The following TBC1D22A variants were observed in gnomAD, a reference collection of about 807,000 sequenced individuals.
The protein encoded by TBC1D22A is TBC1 domain family member 22A, also known as putative GTPase activator.
TBC1D22A carries 38 observed loss-of-function variants against 60.2 expected under a neutral mutation model. The observed-to-expected ratio is 0.63, with a 90% CI of 0.49 to 0.83. The LOEUF (loss-of-function observed/expected upper bound fraction) is 0.83, where lower values mean the gene tolerates loss of function less well. Among genes scored for constraint, TBC1D22A ranks in the 40% least tolerant of loss-of-function variants. The pLI is 0.00. For synonymous variants in TBC1D22A, 302 were observed against 281.7 expected (o/e 1.07, Z -0.72); for missense variants, 628 against 701.0 (o/e 0.90, Z 1.18).
At chr22:46,917,474 A>G (rs913529599) in intron 8 of TBC1D22A, among the ~76,000 whole-genome samples, 2 of 152,078 alleles carry the variant, frequency 1.3e-5, no homozygotes, top group African/African-American at 2.4e-5. Flanking sequence ...CGTGAACGAG[A>G]AGGAAAAATC....
chr22:46,925,441 C>T (rs1305743775), intron 8 of TBC1D22A, among the ~76,000 whole-genome samples: 4 of 152,166 alleles, frequency 2.6e-5, no homozygotes, highest in Non-Finnish European at 5.9e-5. Context: ...TTTGCATTGC[C>T]CACGACTCAT....
At chr22:46,778,756 A>G (rs1483209754) in intron 1 of TBC1D22A, among the ~76,000 whole-genome samples, 1 of 128,466 alleles carries the variant, frequency 7.8e-6, no homozygotes, top group African/African-American at 3.1e-5. Flanking sequence ...TAAAAAGTAT[A>G]GTACAATAGG....
intron 5 of TBC1D22A, among the ~76,000 whole-genome samples, chr22:46,879,112 C>A: frequency 7.8e-6 from 1 of 127,742 alleles, no homozygotes; most frequent in Non-Finnish European, 1.7e-5. Context: ...ATATGTTTGA[C>A]CAAGTTTTTT....
chr22:47,019,541 G>A (rs6008025), intron 10 of TBC1D22A, among the ~76,000 whole-genome samples: 16,193 of 151,512 alleles, frequency 0.11, 2,214 homozygotes, highest in African/African-American at 0.32. Context: ...GTGTTTGGGG[G>A]CAGAGGAAGC....
chr22:47,136,956 G>A (rs376551388), intron 12 of TBC1D22A, among the ~76,000 whole-genome samples: 4 of 152,144 alleles, frequency 2.6e-5, no homozygotes, highest in Non-Finnish European at 4.4e-5. Context: ...TGTGGGTGTC[G>A]CCAGCCCATG....
At chr22:46,856,254 C>T (rs972146418) in intron 4 of TBC1D22A, among the ~76,000 whole-genome samples, 2 of 152,172 alleles carry the variant, frequency 1.3e-5, no homozygotes, top group African/African-American at 4.8e-5. Context: ...ATTTACGTAG[C>T]GTAGCATCAG....
chr22:47,125,335 C>G (rs960266569), intron 12 of TBC1D22A, among the ~76,000 whole-genome samples: 2 of 152,200 alleles, frequency 1.3e-5, no homozygotes, highest in Non-Finnish European at 2.9e-5. Flanking sequence ...GCCGGCACAG[C>G]TAAGAGGCGT....
intron 11 of TBC1D22A, among the ~76,000 whole-genome samples, chr22:47,061,537 G>A (rs1234766953): frequency 1.3e-5 from 2 of 152,100 alleles, no homozygotes; most frequent in African/African-American, 2.4e-5. Flanking sequence ...GGTGGCTTCC[G>A]ATCCCTCACC....
chr22:46,908,275 G>A (rs111997388), intron 7 of TBC1D22A, among the ~76,000 whole-genome samples: 1,845 of 152,290 alleles, frequency 0.012, 32 homozygotes, highest in African/African-American at 0.042. Flanking sequence ...CGCATCTGGG[G>A]TGTGCTATAG....
intron 4 of TBC1D22A, among the ~76,000 whole-genome samples, chr22:46,863,714 G>A (rs991508132): frequency 1.3e-4 from 20 of 152,164 alleles, no homozygotes; most frequent in South Asian, 2.1e-4. Flanking sequence ...AAGCATTTCC[G>A]TCATTCAGGA....
intron 4 of TBC1D22A, among the ~76,000 whole-genome samples, chr22:46,874,559 T>C (rs1436619442): frequency 1.6e-5 from 2 of 123,696 alleles, no homozygotes; most frequent in Non-Finnish European, 3.4e-5. Context: ...GCTACAGGTA[T>C]GTCTTTTTTT....
At chr22:47,002,031 C>A (rs894377517) in intron 10 of TBC1D22A, among the ~76,000 whole-genome samples, 5 of 152,108 alleles carry the variant, frequency 3.3e-5, no homozygotes, top group Admixed American at 2.0e-4. Flanking sequence ...CTCAATATTT[C>A]TATTAATTGT....
At chr22:47,110,801 A>G (rs78871988) in intron 11 of TBC1D22A, among the ~76,000 whole-genome samples, 3,199 of 152,292 alleles carry the variant, frequency 0.021, 86 homozygotes, top group African/African-American at 0.071. Context: ...GCTTGAACTA[A>G]CACCATAGCC....
At chr22:47,050,185 A>G (rs890704324) in intron 11 of TBC1D22A, among the ~76,000 whole-genome samples, 6 of 152,054 alleles carry the variant, frequency 3.9e-5, no homozygotes, top group South Asian at 2.1e-4. Flanking sequence ...TGTATTTTTT[A>G]GTAGAGACGG....
At chr22:46,886,967 TA>T in intron 5 of TBC1D22A, among the ~76,000 whole-genome samples, 1 of 152,298 alleles carries the variant, frequency 6.6e-6, no homozygotes, top group Non-Finnish European at 1.5e-5. Flanking sequence ...ACAGTGGGAA[TA>T]TGGCCATGAT....
intron 11 of TBC1D22A, among the ~76,000 whole-genome samples, chr22:47,092,407 G>T (rs756172060): frequency 6.6e-6 from 1 of 152,206 alleles, no homozygotes. Context: ...GCGGAAGAAG[G>T]CACTTCCCAG....
At chr22:46,831,021 G>A (rs974238267) in intron 4 of TBC1D22A, among the ~76,000 whole-genome samples, 4 of 152,184 alleles carry the variant, frequency 2.6e-5, no homozygotes, top group East Asian at 1.9e-4. Flanking sequence ...TTGGAGTCAC[G>A]GTGGATGACA....
At chr22:46,857,192 T>A (rs1435485516) in intron 4 of TBC1D22A, among the ~76,000 whole-genome samples, 2 of 152,230 alleles carry the variant, frequency 1.3e-5, no homozygotes, top group African/African-American at 4.8e-5. Context: ...ACCACTTACA[T>A]CAGTCCTTTG....
chr22:46,842,352 T>C (rs2086807585), intron 4 of TBC1D22A, among the ~76,000 whole-genome samples: 1 of 152,234 alleles, frequency 6.6e-6, no homozygotes, highest in Admixed American at 6.5e-5. Context: ...TTTAACATTT[T>C]ATTTGAAACT....
Sources: allele counts gnomAD v4.1 joint callset (sites outside exome capture counted in the v4.1 genomes callset), GRCh38; gene constraint gnomAD v4.1.1; transcripts MANE v1.5; gene names NCBI Gene and HGNC (gene_info 2026-07-23, HGNC 2026-07-21).